IBSP: variants seen among roughly 807,000 people sequenced by gnomAD.
IBSP encodes integrin-binding sialoprotein.
A neutral mutation model predicts 25.5 loss-of-function variants in IBSP; 19 were observed. The ratio of observed to expected loss-of-function variants is 0.74; its 90% CI spans 0.52 to 1.09. The LOEUF (loss-of-function observed/expected upper bound fraction) is 1.09. Among genes scored for constraint, IBSP ranks in the 50% least tolerant of loss-of-function variants. The pLI, the probability that IBSP is intolerant of heterozygous loss-of-function variation, is 0.00. For missense variants in IBSP, 360 were observed against 382.3 expected (o/e 0.94, Z 0.49); for synonymous variants, 144 against 137.6 (o/e 1.05, Z -0.33).
chr4:87,808,367 G>A (rs1244441672), intron 5 of IBSP, among the ~76,000 whole-genome samples: 1 of 152,014 alleles, frequency 6.6e-6, no homozygotes, highest in Non-Finnish European at 1.5e-5. Flanking sequence ...ATTTTTAGTA[G>A]AGATGGGGTT....
Position 87,812,046 on chromosome 4 carries a change from T to C in IBSP, c.*136T>C. 2 of 634,848 alleles carry C rather than the reference T, an allele frequency of 3.2e-6. No individual in the cohort carries two copies. The highest frequency in any genetic ancestry group is 5.1e-6 in the Non-Finnish European group (2 of 392,794). The allele number at this position is 634,848 out of a possible 1,614,324, so 39.3% of individuals were successfully genotyped here. A position where few individuals can be genotyped will look rare whatever the true frequency, so the allele number is the denominator to read the frequency against. On this transcript the variant is annotated 3_prime_UTR_variant, in exon 7 of 7. Transcript: ENST00000226284. Reference sequence around the variant, plus strand: ...TGGTACTACCGTTCCAGATTTTCTGTAATTGCTTCTGCAAAGTAATAGGCT... The same window carrying C: ...TGGTACTACCGTTCCAGATTTTCTGCAATTGCTTCTGCAAAGTAATAGGCT...
intron 5 of IBSP, 25 bp downstream of exon 5, chr4:87,806,209 TA>T: frequency 1.3e-6 from 2 of 1,581,410 alleles, no homozygotes; most frequent in Non-Finnish European, 1.7e-6. Context: ...AATCTTTTCG[TA>T]ATAAAGCAGA....
chr4:87,801,958 C>A (rs1030524521), intron 1 of IBSP, among the ~76,000 whole-genome samples: 5 of 152,138 alleles, frequency 3.3e-5, no homozygotes, highest in African/African-American at 9.7e-5. Context: ...TGTAAACAAA[C>A]AAACAGGGCA....
chr4:87,801,270 T>A (rs1722010409), intron 1 of IBSP, among the ~76,000 whole-genome samples: 1 of 152,086 alleles, frequency 6.6e-6, no homozygotes, highest in Admixed American at 6.6e-5. Context: ...TACAGTCTCA[T>A]ACACTAGCAG....
intron 4 of IBSP, among the ~76,000 whole-genome samples, chr4:87,803,253 G>T (rs1011725317): frequency 1.3e-5 from 2 of 151,966 alleles, no homozygotes; most frequent in African/African-American, 4.8e-5. Context: ...AACCTGTGTG[G>T]GTCACTAGAG....
chr4:87,809,163 C>A (rs138933640), intron 5 of IBSP, among the ~76,000 whole-genome samples: 1 of 152,112 alleles, frequency 6.6e-6, no homozygotes, highest in African/African-American at 2.4e-5. Flanking sequence ...TCTTTGTAAG[C>A]GCAAATTAGT....
chr4:87,802,309 T>C, intron 1 of IBSP, 39 bp from the exon 2 acceptor site: 3 of 1,283,734 alleles, frequency 2.3e-6, no homozygotes, highest in Non-Finnish European at 3.3e-6. Flanking sequence ...TGCTCTTAGT[T>C]TTAATATTTT....
At chr4:87,809,583 T>C (rs1257605470) in intron 5 of IBSP, among the ~76,000 whole-genome samples, 1 of 152,214 alleles carries the variant, frequency 6.6e-6, no homozygotes, top group Non-Finnish European at 1.5e-5. Flanking sequence ...GGGTATACTC[T>C]GGTGGTATTG....
chr4:87,806,783 T>C (rs894157039), intron 5 of IBSP, among the ~76,000 whole-genome samples: 1 of 152,116 alleles, frequency 6.6e-6, no homozygotes, highest in African/African-American at 2.4e-5. Context: ...GGCGGCCAGA[T>C]CACTTGAGGT....
At chr4:87,800,576 A>C (rs1379998969) in intron 1 of IBSP, among the ~76,000 whole-genome samples, 1 of 152,194 alleles carries the variant, frequency 6.6e-6, no homozygotes, top group Non-Finnish European at 1.5e-5. Flanking sequence ...TGCTGCTTAA[A>C]AAGATGGGCT....
In IBSP at chr4:87,811,442, C is replaced by G. The variant is rs775084182; in HGVS notation, c.486C>G (p.Asn162Lys). Residue 162 changes from asparagine (N) to lysine (K), a missense_variant, in exon 7 of 7, where the codon AAC becomes AAG. Transcript: ENST00000226284. ...AGGAGGAAGAGGAAGGAAATGAAAACGAAGAAAGCGAAGCAGAAGTGGATG... is the reference window on the plus strand; with the variant it reads ...AGGAGGAAGAGGAAGGAAATGAAAAGGAAGAAAGCGAAGCAGAAGTGGATG... ...EEEEEEEGNE[N>K]EESEAEVDEN... 4 of 1,612,566 alleles carry G rather than the reference C, an allele frequency of 2.5e-6. No individual in the cohort carries two copies. The highest frequency in any genetic ancestry group is 1.3e-5 in the African/African-American group (1 of 74,682).
chr4:87,804,348 A>T (rs1372238271), intron 4 of IBSP, among the ~76,000 whole-genome samples: 1 of 152,218 alleles, frequency 6.6e-6, no homozygotes, highest in Non-Finnish European at 1.5e-5. Context: ...CTGCATTTAT[A>T]TACAATCATT....
At position 87,805,214 on chromosome 4, in the gene IBSP, G is replaced by A. The variant is rs535119036; in HGVS notation, c.184-908G>A. On this transcript the variant is annotated intron_variant, in intron 4 of 6. Coordinates refer to ENST00000226284, the MANE Select transcript of IBSP (RefSeq NM_004967.4). ...CCTTCTGCAGCTATATTTTCTAAAT[G>A]CAAGACATTAACTGGGTCATCAGAA... Among the ~76,000 whole-genome samples the A allele has an allele frequency of 4.9e-4, 75 of 152,306 alleles. No individual in the cohort carries two copies. The South Asian group carries it at 0.015, about 31-fold the overall frequency.
At chr4:87,802,598 T>A (rs1722036519) in intron 3 of IBSP, 40 bp downstream of exon 3, 1 of 1,573,104 alleles carries the variant, frequency 6.4e-7, no homozygotes, top group East Asian at 2.2e-5. Flanking sequence ...TGATTATACT[T>A]GCTGTATATT....
rs914479640 is a variant in IBSP at position 87,811,501 on chromosome 4, A to G, written c.545A>G (p.Asn182Ser). ...CAAGGCATAAACGGCACCAGTACCA[A>G]CAGCACAGAGGCAGAAAACGGCAAC... The part of the protein sequence containing the change: ...NEQGINGTST[N>S]STEAENGNGS... Residue 182 changes from asparagine (N) to serine (S), a missense_variant, in exon 7 of 7, where the codon AAC (asparagine) becomes AGC (serine). By Grantham distance (46) the Asn-to-Ser change is conservative. Coordinates refer to ENST00000226284, the MANE Select transcript of IBSP (RefSeq NM_004967.4). 6.2e-7 allele frequency: 1 copy of G among 1,614,146 alleles called. No individual in the cohort carries two copies. Among genetic ancestry groups the G allele is most frequent in the Non-Finnish European group, 8.5e-7 (1 of 1,180,024 alleles).
intron 4 of IBSP, among the ~76,000 whole-genome samples, chr4:87,804,255 G>A (rs1407597624): frequency 1.3e-5 from 2 of 152,046 alleles, no homozygotes; most frequent in Non-Finnish European, 2.9e-5. Flanking sequence ...TAAGTGTATT[G>A]TTAGGTGTTT....
chr4:87,804,063 C>A (rs949706483), intron 4 of IBSP, among the ~76,000 whole-genome samples: 4 of 152,092 alleles, frequency 2.6e-5, no homozygotes, highest in African/African-American at 9.7e-5. Context: ...GTTTGTAGAT[C>A]AAGGAGATCT....
At position 87,807,798 on chromosome 4, in the gene IBSP, T is replaced by C. The variant is rs539193989; in HGVS notation, c.246+1614T>C. Among the ~76,000 whole-genome samples, 417 of 152,334 alleles carry C rather than the reference T, an allele frequency of 2.7e-3. 2 individuals carry two copies. Among genetic ancestry groups the C allele is most frequent in the Non-Finnish European group, 5.0e-3 (337 of 68,026 alleles). ...CGTGTCTGCAGACACCTCATGACCA[T>C]AGGTTAAAATCCCTGCTTTGGGGAA... On this transcript the variant is annotated intron_variant, in intron 5 of 6. Transcript: ENST00000226284.
chr4:87,800,956 G>A (rs1047872251), intron 1 of IBSP, among the ~76,000 whole-genome samples: 5 of 152,168 alleles, frequency 3.3e-5, no homozygotes, highest in Non-Finnish European at 7.4e-5. Context: ...AGTTAAATGT[G>A]TATGTAAATG....
Sources: allele counts gnomAD v4.1 joint callset (sites outside exome capture counted in the v4.1 genomes callset), GRCh38; gene constraint gnomAD v4.1.1; transcripts MANE v1.5; gene names NCBI Gene and HGNC (gene_info 2026-07-23, HGNC 2026-07-21).